The following MAGI2 variants were observed in gnomAD, a reference collection of about 807,000 sequenced individuals.
The protein encoded by MAGI2 is membrane associated guanylate kinase, WW and PDZ domain containing 2, also known as membrane-associated guanylate kinase, WW and PDZ domain-containing protein 2.
MAGI2 carries 35 observed loss-of-function variants against 133.3 expected under a neutral mutation model. The ratio of observed to expected loss-of-function variants is 0.26; its 90% confidence interval spans 0.20 to 0.35. The LOEUF is 0.35. Among genes scored for constraint, MAGI2 ranks in the 10% least tolerant of loss-of-function variants. The pLI is 1.00. For synonymous variants in MAGI2, 729 were observed against 710.6 expected (o/e 1.03, Z -0.41); for missense variants, 1,636 against 1,863.4 (o/e 0.88, Z 2.25).
chr7:78,179,774 A>G (rs1288366025), intron 13 of MAGI2, among the ~76,000 whole-genome samples: 2 of 152,220 alleles, frequency 1.3e-5, no homozygotes, highest in African/African-American at 2.4e-5. Context: ...AAAAAATTCC[A>G]TTCCTATTAA....
intron 10 of MAGI2, among the ~76,000 whole-genome samples, chr7:78,206,543 G>A (rs1787126214): frequency 6.6e-6 from 1 of 151,878 alleles, no homozygotes. Flanking sequence ...CACCCGACTC[G>A]GCCTCCCAAA....
chr7:78,880,827 C>A (rs1216467595), intron 2 of MAGI2, among the ~76,000 whole-genome samples: 1 of 152,128 alleles, frequency 6.6e-6, no homozygotes. Context: ...CATCAAGAGA[C>A]CCATTTCTCA....
chr7:78,420,533 T>C (rs1798701704), intron 6 of MAGI2, among the ~76,000 whole-genome samples: 1 of 146,584 alleles, frequency 6.8e-6, no homozygotes, highest in Admixed American at 7.1e-5. Flanking sequence ...TGACTCAACC[T>C]ACAATGGTTG....
In MAGI2 at chr7:78,049,383, C is replaced by T. The variant is rs144707783; in HGVS notation, c.3707-29407G>A. On this transcript the variant is annotated intron_variant, in intron 21 of 21. Coordinates refer to ENST00000354212, the MANE Select transcript of MAGI2 (RefSeq NM_012301.4). The stretch of plus-strand genomic sequence containing the variant: ...CATCTTTGGCTCAGAGCAGTTAGGG[C>T]TAAGGCCCAGAGTTGAAGTTTTTTC... Among the ~76,000 whole-genome samples the T allele has an allele frequency of 3.5e-3, 537 of 152,332 alleles. 2 individuals carry two copies. Among genetic ancestry groups the T allele is most frequent in the African/African-American group, 0.012 (505 of 41,582 alleles).
chr7:78,347,084 A>G (rs1369280927), intron 7 of MAGI2: 1 of 152,248 alleles, frequency 6.6e-6, no homozygotes. Context: ...ATGTCTCGTA[A>G]GTGGAAAGGC....
At chr7:78,172,016 C>T (rs1209705716) in intron 14 of MAGI2, among the ~76,000 whole-genome samples, 2 of 152,126 alleles carry the variant, frequency 1.3e-5, no homozygotes, top group African/African-American at 4.8e-5. Context: ...TTTTCAATTG[C>T]CTTCTCTAAA....
intron 10 of MAGI2, among the ~76,000 whole-genome samples, chr7:78,248,812 A>C (rs1454895274): frequency 6.6e-6 from 1 of 152,164 alleles, no homozygotes. Flanking sequence ...TGGCTTGGAC[A>C]ATGGTTTTTT....
chr7:78,459,345 G>C (rs866701051), intron 6 of MAGI2, among the ~76,000 whole-genome samples: 1 of 152,170 alleles, frequency 6.6e-6, no homozygotes, highest in African/African-American at 2.4e-5. Flanking sequence ...GGTGAGTAGA[G>C]AGTCTTGAGC....
chr7:78,510,702 A>C (rs2150555128), intron 4 of MAGI2, among the ~76,000 whole-genome samples: 1 of 152,336 alleles, frequency 6.6e-6, no homozygotes, highest in Middle Eastern at 3.4e-3. Context: ...AGCAATCTTC[A>C]GAAACCATGC....
intron 1 of MAGI2, among the ~76,000 whole-genome samples, chr7:79,444,826 T>C (rs1274088295): frequency 6.6e-6 from 1 of 152,132 alleles, no homozygotes; most frequent in African/African-American, 2.4e-5. Context: ...TTAAAGTTCA[T>C]ATGGAACCAA....
chr7:78,128,107 A>G (rs572794019), intron 18 of MAGI2, among the ~76,000 whole-genome samples: 1 of 152,354 alleles, frequency 6.6e-6, no homozygotes, highest in South Asian at 2.1e-4. Flanking sequence ...TACTGTGGTC[A>G]TAAGATGGAA....
Position 78,544,618 on chromosome 7 carries a change from A to G in MAGI2, c.539-22973T>C, listed in dbSNP as rs558035250. ...AAAGTGTGATCTGCAGTCCAGTAGC[A>G]TCAGCCTCACCTCGAAACATGTTGG... On this transcript the variant is annotated intron_variant, in intron 3 of 21. Transcript: ENST00000354212. Among the ~76,000 whole-genome samples the G allele has an allele frequency of 3.9e-5, 6 of 152,340 alleles. No homozygotes were observed. The East Asian group carries it at 1.2e-3, about 29-fold the overall frequency.
rs1790063934 is a variant in MAGI2, at chr7:78,821,148, G to A, written c.418+185942C>T. 2.0e-5 allele frequency among the ~76,000 whole-genome samples: 3 copies of A among 152,026 alleles called. No individual in the cohort carries two copies. The South Asian group carries it at 6.2e-4, about 31-fold the overall frequency. Reference sequence around the variant, plus strand: ...TAGCTCCTAGCTGGACATTTTATTCGAGTTGGGTAACTACTCCAAACCTCT... The same window carrying A: ...TAGCTCCTAGCTGGACATTTTATTCAAGTTGGGTAACTACTCCAAACCTCT... On this transcript the variant is annotated intron_variant, in intron 2 of 21. Transcript: ENST00000354212.
Position 79,287,411 on chromosome 7 carries a change from C to T in MAGI2, c.301+165609G>A, listed in dbSNP as rs571471938. On this transcript the variant is annotated intron_variant, in intron 1 of 21. Transcript: ENST00000354212. ...TTGTCCAAATATATTTCACCTTAGA[C>T]GCCTCCCTCCCAACAGCCATGTATA... Among the ~76,000 whole-genome samples the T allele has an allele frequency of 1.5e-3, 227 of 152,168 alleles. 3 individuals carry two copies. The highest frequency in any genetic ancestry group is 5.2e-3 in the African/African-American group (216 of 41,518).
At chr7:79,248,869 T>TTTTA (rs1399271748) in intron 1 of MAGI2, among the ~76,000 whole-genome samples, 2 of 74,158 alleles carry the variant, frequency 2.7e-5, no homozygotes, top group Non-Finnish European at 6.2e-5. Flanking sequence ...ATTTTATTTA[T>TTTTA]TTTATTTTTT....
In MAGI2 at chr7:79,383,266, C is replaced by T. The variant is rs566527018; in HGVS notation, c.301+69754G>A. Among the ~76,000 whole-genome samples, 6 of 151,674 alleles carry T rather than the reference C, an allele frequency of 4.0e-5. No homozygotes were observed. The South Asian group carries it at 1.0e-3, about 26-fold the overall frequency. On this transcript the variant is annotated intron_variant, in intron 1 of 21. Coordinates refer to ENST00000354212, the MANE Select transcript of MAGI2 (RefSeq NM_012301.4). Reference sequence around the variant, plus strand: ...AAGAAGGAATGTCCAGGATGCTTTACTTCACTCTCTTAGAATTTACATTGC... The same window carrying T: ...AAGAAGGAATGTCCAGGATGCTTTATTTCACTCTCTTAGAATTTACATTGC...
At chr7:78,958,320 T>C (rs1562716990) in intron 2 of MAGI2, among the ~76,000 whole-genome samples, 2 of 152,136 alleles carry the variant, frequency 1.3e-5, no homozygotes, top group Non-Finnish European at 2.9e-5. Flanking sequence ...TTGGGTGAGA[T>C]GACATAGGCT....
intron 2 of MAGI2, among the ~76,000 whole-genome samples, chr7:78,921,631 G>GT (rs11300201): frequency 0.038 from 5,563 of 145,362 alleles, 99 homozygotes; most frequent in African/African-American, 0.046. Flanking sequence ...CTTTTCAACA[G>GT]TTTTTTTTTT....
chr7:78,677,726 T>A (rs903262031), intron 2 of MAGI2, among the ~76,000 whole-genome samples: 1 of 152,124 alleles, frequency 6.6e-6, no homozygotes. Context: ...CTTTGGCATT[T>A]ATTACATAAT....
Sources: gnomAD v4.1 joint callset for allele counts (sites outside exome capture counted in the v4.1 genomes callset) on GRCh38, gnomAD v4.1.1 for gene constraint, MANE v1.5 for transcripts, NCBI Gene and HGNC (gene_info 2026-07-23, HGNC 2026-07-21) for gene names.